The following KLF12 variants were observed in gnomAD, a reference collection of about 807,000 sequenced individuals.
KLF12 encodes the protein KLF transcription factor 12, also known as Krueppel-like factor 12.
KLF12 carries 9 observed loss-of-function variants against 37.8 expected under a neutral mutation model. The observed-to-expected ratio is 0.24, with a 90% CI of 0.14 to 0.42. The LOEUF is 0.42. KLF12 is among the 10% of genes least tolerant of loss of function. The pLI is 1.00. For synonymous variants in KLF12, 208 were observed against 202.1 expected, an observed-to-expected ratio of 1.03 and a Z score of -0.25; for missense variants, 411 against 516.0, an observed-to-expected ratio of 0.80 and a Z score of 1.97.
At chr13:73,823,705 A>G (rs947344538) in intron 4 of KLF12, among the ~76,000 whole-genome samples, 1 of 144,278 alleles carries the variant, frequency 6.9e-6, no homozygotes, top group African/African-American at 2.5e-5. Context: ...CTTCATTTGT[A>G]GTTCTGGCCT....
At chr13:73,709,227 T>C (rs1403067700) in intron 7 of KLF12, among the ~76,000 whole-genome samples, 2 of 152,154 alleles carry the variant, frequency 1.3e-5, no homozygotes, top group South Asian at 2.1e-4. Flanking sequence ...AGTTACTAAG[T>C]TGTAAATAAA....
At chr13:73,779,751 C>T (rs990030628) in intron 5 of KLF12, among the ~76,000 whole-genome samples, 2 of 152,148 alleles carry the variant, frequency 1.3e-5, no homozygotes, top group African/African-American at 2.4e-5. Context: ...GGGACAGAGC[C>T]CTTGAGCTGT....
the KLF12 span, among the ~76,000 whole-genome samples, chr13:74,167,195 G>A: frequency 6.6e-6 from 1 of 152,190 alleles, no homozygotes; most frequent in Non-Finnish European, 1.5e-5. Context: ...GGCATATAGA[G>A]ATGCTCAAGC....
At chr13:74,009,167 G>C (rs1258213811) in intron 1 of KLF12, among the ~76,000 whole-genome samples, 1 of 152,184 alleles carries the variant, frequency 6.6e-6, no homozygotes, top group Non-Finnish European at 1.5e-5. Flanking sequence ...ATCTGTGACT[G>C]TAAATAATCT....
intron 3 of KLF12, among the ~76,000 whole-genome samples, chr13:73,908,461 A>G (rs1222966989): frequency 6.6e-6 from 1 of 150,408 alleles, no homozygotes; most frequent in Admixed American, 6.6e-5. Context: ...TAACCCTCCT[A>G]AAGGTTTTCA....
rs9530246 is a variant in KLF12, at chr13:73,813,415, A to G, written c.671-128T>C. 6,978 of 1,001,090 alleles carry G rather than the reference A, an allele frequency of 7.0e-3. 36 individuals are homozygous for G. The highest frequency in any genetic ancestry group is 9.0e-3 in the Non-Finnish European group (6,065 of 675,452). The allele number at this position is 1,001,090 out of a possible 1,614,324, so 62.0% of individuals were successfully genotyped here. A position where few individuals can be genotyped will look rare whatever the true frequency, so the allele number is the denominator to read the frequency against. On this transcript the variant is annotated intron_variant, in intron 4 of 7. Transcript: ENST00000377669. ...ATGGAATTCTCTAGACATCACAGGA[A>G]TCAGTGAAAGCTCCAGGTTTTATGT... is the stretch of plus-strand genomic sequence containing the variant.
the KLF12 span, among the ~76,000 whole-genome samples, chr13:74,195,682 T>C: frequency 7.9e-5 from 12 of 151,916 alleles, no homozygotes; most frequent in Admixed American, 2.0e-4. Context: ...CACTGCAACC[T>C]CCACCTCCTG....
At chr13:73,740,201 A>G (rs1231924911) in intron 6 of KLF12, among the ~76,000 whole-genome samples, 1 of 152,214 alleles carries the variant, frequency 6.6e-6, no homozygotes. Flanking sequence ...CCTCATGAGT[A>G]TTAGTGCCCT....
chr13:73,915,451 C>G (rs145133270), intron 3 of KLF12, among the ~76,000 whole-genome samples: 1 of 152,216 alleles, frequency 6.6e-6, no homozygotes, highest in Admixed American at 6.5e-5. Context: ...GCCCCACACA[C>G]AAGACGTTAC....
intron 1 of KLF12, among the ~76,000 whole-genome samples, chr13:74,049,018 C>T (rs763828298): frequency 3.9e-5 from 6 of 152,162 alleles, no homozygotes; most frequent in East Asian, 1.9e-4. Context: ...CCAGAAATGG[C>T]GGTAAAAGTC....
chr13:74,068,877 G>C (rs566452883), intron 1 of KLF12, among the ~76,000 whole-genome samples: 1 of 151,998 alleles, frequency 6.6e-6, no homozygotes, highest in East Asian at 1.9e-4. Flanking sequence ...AAATAATGAA[G>C]GTATGTATAC....
chr13:74,037,803 G>A (rs1235276713), intron 1 of KLF12, among the ~76,000 whole-genome samples: 2 of 152,062 alleles, frequency 1.3e-5, no homozygotes, highest in Admixed American at 6.6e-5. Context: ...TGTGGACTGG[G>A]CAATGAATAC....
At chr13:73,973,980 G>A (rs1891425384) in intron 2 of KLF12, among the ~76,000 whole-genome samples, 1 of 151,782 alleles carries the variant, frequency 6.6e-6, no homozygotes, top group Admixed American at 6.6e-5. Context: ...AAAACAGCAT[G>A]GAAAGGAAGA....
chr13:73,958,490 G>A (rs1376571453), intron 2 of KLF12, among the ~76,000 whole-genome samples: 2 of 151,992 alleles, frequency 1.3e-5, no homozygotes, highest in African/African-American at 4.8e-5. Flanking sequence ...TGATCTGCCC[G>A]CCTCAGCCTC....
intron 1 of KLF12, among the ~76,000 whole-genome samples, chr13:74,046,343 C>T (rs1566517126): frequency 6.6e-6 from 1 of 152,062 alleles, no homozygotes; most frequent in Non-Finnish European, 1.5e-5. Context: ...AAAATTCCTG[C>T]CTTGCCTTCC....
At chr13:73,909,003 G>A (rs1888447595) in intron 3 of KLF12, among the ~76,000 whole-genome samples, 1 of 152,194 alleles carries the variant, frequency 6.6e-6, no homozygotes, top group African/African-American at 2.4e-5. Context: ...TTGGCATTGT[G>A]GCAATGGCCA....
At chr13:74,037,216 A>C (rs1893271996) in intron 1 of KLF12, among the ~76,000 whole-genome samples, 1 of 152,080 alleles carries the variant, frequency 6.6e-6, no homozygotes, top group African/African-American at 2.4e-5. Context: ...AAAAAAAAAA[A>C]AAAAAACTTT....
chr13:74,036,206 C>T (rs1464424009), intron 1 of KLF12, among the ~76,000 whole-genome samples: 2 of 152,210 alleles, frequency 1.3e-5, no homozygotes, highest in Admixed American at 1.3e-4. Flanking sequence ...CCTCTCCATA[C>T]TTAAATATTC....
intron 6 of KLF12, among the ~76,000 whole-genome samples, chr13:73,718,091 A>C (rs1875952111): frequency 6.6e-6 from 1 of 152,206 alleles, no homozygotes; most frequent in Admixed American, 6.5e-5. Context: ...TTTGTGTAAT[A>C]TTTTCCACAC....
Sources: allele counts gnomAD v4.1 joint callset (sites outside exome capture counted in the v4.1 genomes callset), GRCh38; gene constraint gnomAD v4.1.1; transcripts MANE v1.5; gene names NCBI Gene and HGNC (gene_info 2026-07-23, HGNC 2026-07-21).